The following EYA2 variants were observed in gnomAD, a reference collection of about 807,000 sequenced individuals.
EYA2 encodes EYA transcriptional coactivator and phosphatase 2.
A neutral mutation model predicts 69.2 loss-of-function variants in EYA2; 31 were observed. The observed-to-expected ratio is 0.45, with a 90% CI of 0.34 to 0.60. The LOEUF (loss-of-function observed/expected upper bound fraction) is 0.60, where lower values mean the gene tolerates loss of function less well. Ranked by LOEUF, EYA2 falls within the 20% of genes least tolerant of loss-of-function variation. EYA2 has a pLI of 0.02. For synonymous variants in EYA2, 257 were observed against 279.4 expected (o/e 0.92, Z 0.80); for missense variants, 622 against 701.2 (o/e 0.89, Z 1.28).
Position 47,012,783 on chromosome 20 carries a change from C to T in EYA2, c.299-3398C>T, listed in dbSNP as rs866600335. ...TGCTGGGATTACAGGCGTGAGCCAC[C>T]GTACTGGGCCAAATTAAAATGTTTT... On this transcript the variant is annotated intron_variant, in intron 4 of 15. Coordinates refer to ENST00000327619, the MANE Select transcript of EYA2 (RefSeq NM_005244.5). 3.9e-5 allele frequency among the ~76,000 whole-genome samples: 6 copies of T among 152,182 alleles called. No individual in the cohort carries two copies. The South Asian group carries it at 8.3e-4, about 21-fold the overall frequency.
At chr20:46,990,276 G>A (rs1981569229) in intron 2 of EYA2, among the ~76,000 whole-genome samples, 157 bp downstream of exon 2, 1 of 152,176 alleles carries the variant, frequency 6.6e-6, no homozygotes, top group East Asian at 1.9e-4. Context: ...CCAAAACTTT[G>A]GCATACATCT....
intron 1 of EYA2, among the ~76,000 whole-genome samples, chr20:46,939,992 TA>T (rs1986084878): frequency 6.6e-6 from 1 of 152,184 alleles, no homozygotes; most frequent in African/African-American, 2.4e-5. Flanking sequence ...AAGTGCTCAA[TA>T]AAATGTAGCC....
intron 7 of EYA2, among the ~76,000 whole-genome samples, chr20:47,075,488 C>G (rs952211550): frequency 6.6e-6 from 1 of 152,098 alleles, no homozygotes; most frequent in African/African-American, 2.4e-5. Flanking sequence ...AACCAGCACT[C>G]CTGCTATGCA....
chr20:47,004,043 T>G (rs1387356519), intron 3 of EYA2, among the ~76,000 whole-genome samples: 1 of 152,220 alleles, frequency 6.6e-6, no homozygotes, highest in Non-Finnish European at 1.5e-5. Flanking sequence ...ATAGTATAAA[T>G]ATCTTAAGTA....
intron 5 of EYA2, among the ~76,000 whole-genome samples, chr20:47,031,220 C>T (rs893568624): frequency 2.6e-5 from 4 of 152,122 alleles, no homozygotes; most frequent in Non-Finnish European, 5.9e-5. Context: ...CTTGCAAATT[C>T]GGAAGAGCCA....
chr20:47,007,782 A>T (rs1469265083), intron 4 of EYA2, among the ~76,000 whole-genome samples: 1 of 150,838 alleles, frequency 6.6e-6, no homozygotes, highest in Non-Finnish European at 1.5e-5. Context: ...CCCCTGGCTA[A>T]TTTTTTTTTA....
Position 46,996,510 on chromosome 20 carries a change from C to A in EYA2, c.110-4918C>A, listed in dbSNP as rs145317850. On this transcript the variant is annotated intron_variant, in intron 2 of 15. Transcript: ENST00000327619. ...TTTTAACAAGATCCCCAGGTGAATC[C>A]TGGTTCCAGGTGCACTGGTCTCAAA... is the stretch of plus-strand genomic sequence containing the variant. Among the ~76,000 whole-genome samples the A allele has an allele frequency of 4.8e-3, 738 of 152,306 alleles. 13 individuals are homozygous for A. Among genetic ancestry groups the A allele is most frequent in the Admixed American group, 0.042 (637 of 15,298 alleles).
intron 10 of EYA2, among the ~76,000 whole-genome samples, chr20:47,150,483 C>T (rs919012396): frequency 1.3e-5 from 2 of 150,636 alleles, no homozygotes; most frequent in African/African-American, 2.4e-5. Flanking sequence ...CCCCACCCCC[C>T]GAAAGACAGG....
At chr20:47,076,907 A>G (rs969547548) in intron 7 of EYA2, among the ~76,000 whole-genome samples, 1 of 152,146 alleles carries the variant, frequency 6.6e-6, no homozygotes, top group African/African-American at 2.4e-5. Context: ...CTTCTTAGCC[A>G]TTCCTGCAAA....
chr20:47,115,491 C>G (rs1045698858), intron 9 of EYA2, among the ~76,000 whole-genome samples: 4 of 152,122 alleles, frequency 2.6e-5, no homozygotes, highest in African/African-American at 7.2e-5. Flanking sequence ...CCTCGAGGGT[C>G]CCCCAGAGTA....
intron 9 of EYA2, among the ~76,000 whole-genome samples, chr20:47,138,575 C>T (rs2033528595): frequency 6.6e-6 from 1 of 151,840 alleles, no homozygotes; most frequent in Non-Finnish European, 1.5e-5. Flanking sequence ...CATGGTGAAA[C>T]CCCTGTCTCT....
intron 10 of EYA2, among the ~76,000 whole-genome samples, chr20:47,165,723 C>A (rs370757217): frequency 1.3e-5 from 2 of 152,140 alleles, no homozygotes; most frequent in African/African-American, 4.8e-5. Flanking sequence ...TCATCAAAAC[C>A]CTTTCTAATC....
chr20:47,051,351 G>C (rs1257124786), intron 5 of EYA2, among the ~76,000 whole-genome samples: 1 of 152,186 alleles, frequency 6.6e-6, no homozygotes, highest in Non-Finnish European at 1.5e-5. Context: ...GAAGTAGGGG[G>C]GCGGATTTTT....
At chr20:47,010,491 C>A (rs954031015) in intron 4 of EYA2, among the ~76,000 whole-genome samples, 1 of 152,014 alleles carries the variant, frequency 6.6e-6, no homozygotes, top group African/African-American at 2.4e-5. Context: ...AACTACTGGG[C>A]GTGGTGGCAC....
intron 1 of EYA2, among the ~76,000 whole-genome samples, chr20:46,908,189 A>G (rs1399506164): frequency 6.6e-6 from 1 of 152,240 alleles, no homozygotes; most frequent in African/African-American, 2.4e-5. Flanking sequence ...AAGAACAAAA[A>G]TGACCAAAGT....
intron 9 of EYA2, among the ~76,000 whole-genome samples, chr20:47,140,426 A>AT (rs988343424): frequency 3.3e-5 from 5 of 150,318 alleles, no homozygotes; most frequent in Admixed American, 1.3e-4. Flanking sequence ...CACCAGCTGC[A>AT]TTTTTTTCTT....
intron 1 of EYA2, among the ~76,000 whole-genome samples, chr20:46,945,620 G>A (rs1978410934): frequency 6.6e-6 from 1 of 152,196 alleles, no homozygotes; most frequent in Non-Finnish European, 1.5e-5. Context: ...GGGTTTGTTT[G>A]GACTTTTCAT....
rs1485283558 is a variant in EYA2, at chr20:46,961,905, A to G, written c.-10-28096A>G. Reference sequence around the variant, plus strand: ...GTGAACCAGAGGCTGCTTAACAGATATGAAATTACAGCAAGAGAGGAGGAA... The same window carrying G: ...GTGAACCAGAGGCTGCTTAACAGATGTGAAATTACAGCAAGAGAGGAGGAA... On this transcript the variant is annotated intron_variant, in intron 1 of 15. Coordinates refer to ENST00000327619, the MANE Select transcript of EYA2 (RefSeq NM_005244.5). Among the ~76,000 whole-genome samples the G allele has an allele frequency of 5.9e-5, 9 of 152,390 alleles. No individual in the cohort carries two copies. In the South Asian group the frequency reaches 1.0e-3, roughly 18 times the overall value.
intron 5 of EYA2, among the ~76,000 whole-genome samples, chr20:47,025,868 C>T (rs1306495753): frequency 6.6e-6 from 1 of 152,194 alleles, no homozygotes; most frequent in East Asian, 1.9e-4. Flanking sequence ...CAATCTGATG[C>T]GTGAAGAAAT....
Sources: gnomAD v4.1 joint callset for allele counts (sites outside exome capture counted in the v4.1 genomes callset) on GRCh38, gnomAD v4.1.1 for gene constraint, MANE v1.5 for transcripts, NCBI Gene and HGNC (gene_info 2026-07-23, HGNC 2026-07-21) for gene names.